NUDT19: variants seen among roughly 807,000 people sequenced by gnomAD.
NUDT19 encodes nudix hydrolase 19.
A neutral mutation model predicts 22.2 loss-of-function variants in NUDT19; 31 were observed. That is an observed-to-expected ratio of 1.40 (90% CI 1.05 to 1.89). NUDT19 has a LOEUF of 1.89. NUDT19 is among the 40% of genes most tolerant of loss of function. NUDT19 has a pLI of 0.00. For synonymous variants in NUDT19, 325 were observed against 230.8 expected, an observed-to-expected ratio of 1.41 and a Z score of -3.70; for missense variants, 752 against 514.2, an observed-to-expected ratio of 1.46 and a Z score of -4.47.
At chr19:32,709,810 C>T (rs765631294) in intron 2 of NUDT19, among the ~76,000 whole-genome samples, 3 of 145,228 alleles carry the variant, frequency 2.1e-5, no homozygotes, top group Non-Finnish European at 4.5e-5. Flanking sequence ...CCACTGTGCC[C>T]GGCTAATCTT....
chr19:32,699,357 C>T (rs35709439), intron 1 of NUDT19, among the ~76,000 whole-genome samples: 20,700 of 152,112 alleles, frequency 0.14, 1,788 homozygotes, highest in East Asian at 0.27. Context: ...CTCGCCTGTG[C>T]GACGTGACTT....
rs374715580 is a variant in NUDT19, at chr19:32,711,854, T to A, written c.1025T>A (p.Ile342Lys). The change falls in exon 3 of 3, where the codon ATA (isoleucine) becomes AAA (lysine). Residue 342 changes from isoleucine to lysine, a missense_variant. Ile to Lys is a moderately radical substitution (Grantham distance 102). Transcript: ENST00000397061. The stretch of plus-strand genomic sequence containing the variant: ...AAGGAAGGCAAGCAGTTTCACCGGA[T>A]AGTGACATACCATCGCCACCTTTAT... Reference protein sequence around the residue: ...IMKEGKQFHRIVTYHRHLYDI... With the variant: ...IMKEGKQFHRKVTYHRHLYDI... The A allele has an allele frequency of 2.5e-6, 4 of 1,613,352 alleles. No individual in the cohort carries two copies. Among genetic ancestry groups the A allele is most frequent in the Non-Finnish European group, 3.4e-6 (4 of 1,179,314 alleles).
chr19:32,692,773 GC>G, intron 1 of NUDT19, 99 bp downstream of exon 1: 1 of 846,576 alleles, frequency 1.2e-6, no homozygotes, highest in Non-Finnish European at 1.7e-6. Flanking sequence ...CATAGGCCAA[GC>G]CCAGAGAGAT....
Position 32,709,269 on chromosome 19 carries a change from C to A in NUDT19, c.799C>A (p.Leu267Ile), listed in dbSNP as rs180822380. The A allele has an allele frequency of 2.5e-6, 4 of 1,614,042 alleles. No individual in the cohort carries two copies. In the East Asian group the frequency reaches 8.9e-5, roughly 36 times the overall value. ...PPPQFYEVRR[L>I]ANFASLSDLH... is the part of the protein sequence containing the mutation. ...CCCACAGTTCTACGAAGTGAGAAGA[C>A]TTGCAAACTTTGCCTCTCTCTCTGA... The change falls in exon 2 of 3, where the codon CTT becomes ATT. Residue 267 changes from leucine to isoleucine, a missense_variant. Transcript: ENST00000397061.
intron 1 of NUDT19, among the ~76,000 whole-genome samples, chr19:32,707,981 A>G (rs1384584306): frequency 6.6e-6 from 1 of 151,356 alleles, no homozygotes; most frequent in Non-Finnish European, 1.5e-5. Context: ...CCGTTTCAAA[A>G]AAAAAAAAAA....
intron 1 of NUDT19, among the ~76,000 whole-genome samples, 178 bp from the exon 2 acceptor site, chr19:32,709,007 A>C (rs1200816493): frequency 2.0e-5 from 3 of 152,162 alleles, no homozygotes; most frequent in Non-Finnish European, 4.4e-5. Flanking sequence ...ACCTCTTAAG[A>C]GGATCAACCC....
chr19:32,698,261 C>G (rs185016952), intron 1 of NUDT19, among the ~76,000 whole-genome samples: 1 of 152,252 alleles, frequency 6.6e-6, no homozygotes, highest in Admixed American at 6.5e-5. Flanking sequence ...TTTTCCCCAT[C>G]AGAGAGAGAA....
In NUDT19 at chr19:32,692,014, CGT is replaced by C; in HGVS notation, c.55_56del (p.Val19ProfsTer90). 8.0e-7 allele frequency: 1 copy of C among 1,250,058 alleles called. No individual in the cohort carries two copies. 77.4% of individuals were successfully genotyped at this position (1,250,058 alleles called of 1,614,324 possible). A position where few individuals can be genotyped will look rare whatever the true frequency, so the allele number is the denominator to read the frequency against. On this transcript the variant is annotated frameshift_variant, in exon 1 of 3. Coordinates refer to ENST00000397061, the MANE Select transcript of NUDT19 (RefSeq NM_001105570.2). LOFTEE classifies it high-confidence loss of function. Reference protein sequence around the residue: ...PSRWRRAASIVLAAGWSRPET... With the variant: ...PSRWRRAASIXLAAGWSRPET... ...GCCGCTGGCGGCGGGCGGCCAGCAT[CGT>C]CCTGGCGGCTGGCTGGTCGCGCCCG...
chr19:32,695,822 A>G (rs538024853), intron 1 of NUDT19, among the ~76,000 whole-genome samples: 1 of 152,372 alleles, frequency 6.6e-6, no homozygotes, highest in African/African-American at 2.4e-5. Context: ...TTAGATAAGC[A>G]TACTTGCTAT....
chr19:32,698,184 T>C (rs1968287734), intron 1 of NUDT19, among the ~76,000 whole-genome samples: 1 of 152,216 alleles, frequency 6.6e-6, no homozygotes, highest in South Asian at 2.1e-4. Context: ...TCCATTTGCC[T>C]TCCCTCTTAC....
intron 1 of NUDT19, among the ~76,000 whole-genome samples, chr19:32,699,746 C>G (rs1968311331): frequency 6.6e-6 from 1 of 152,228 alleles, no homozygotes; most frequent in Non-Finnish European, 1.5e-5. Flanking sequence ...TTGGTTCCTT[C>G]TGGTGGGTTC....
At chr19:32,711,030 C>T (rs1412930132) in intron 2 of NUDT19, among the ~76,000 whole-genome samples, 1 of 152,084 alleles carries the variant, frequency 6.6e-6, no homozygotes, top group Non-Finnish European at 1.5e-5. Context: ...CAAGGCCAAT[C>T]TTAATATCAG....
Position 32,691,844 on chromosome 19 carries a change from C to T in NUDT19, c.-117C>T, listed in dbSNP as rs80137870. On this transcript the variant is annotated 5_prime_UTR_variant, in exon 1 of 3. Transcript: ENST00000397061. ...CCAAACGCCCAGGTTCACCCAACGC[C>T]AGAGGCTCGTCCTCAATTCCCGCGA... The T allele has an allele frequency of 0.17, 86,772 of 518,642 alleles. 7,558 individuals carry two copies. Among genetic ancestry groups the T allele is most frequent in the African/African-American group, 0.22 (10,907 of 49,774 alleles). The allele number at this position is 518,642 out of a possible 1,614,324, so 32.1% of individuals were successfully genotyped here. A position where few individuals can be genotyped will look rare whatever the true frequency, so the allele number is the denominator to read the frequency against.
At chr19:32,702,338 C>T (rs1329725275) in intron 1 of NUDT19, among the ~76,000 whole-genome samples, 1 of 152,172 alleles carries the variant, frequency 6.6e-6, no homozygotes, top group East Asian at 1.9e-4. Flanking sequence ...AGATAAACTC[C>T]CCACATTCCT....
At chr19:32,710,815 C>A (rs562705496) in intron 2 of NUDT19, among the ~76,000 whole-genome samples, 25 of 151,962 alleles carry the variant, frequency 1.6e-4, no homozygotes, top group East Asian at 1.6e-3. Flanking sequence ...ATCACTTGAA[C>A]CCAGGAGGCA....
At chr19:32,706,832 G>C (rs1968392420) in intron 1 of NUDT19, among the ~76,000 whole-genome samples, 1 of 152,170 alleles carries the variant, frequency 6.6e-6, no homozygotes, top group African/African-American at 2.4e-5. Flanking sequence ...AGGGATCTGG[G>C]AAAGTATTCC....
At chr19:32,695,369 G>A (rs1180339801) in intron 1 of NUDT19, among the ~76,000 whole-genome samples, 2 of 152,008 alleles carry the variant, frequency 1.3e-5, no homozygotes, top group Admixed American at 6.6e-5. Flanking sequence ...TAGTAGAGAC[G>A]GGGTTTCACC....
chr19:32,699,483 G>C (rs1307909551), intron 1 of NUDT19, among the ~76,000 whole-genome samples: 1 of 152,184 alleles, frequency 6.6e-6, no homozygotes, highest in Non-Finnish European at 1.5e-5. Context: ...AAAAGCAGAA[G>C]CTGGTTCCAG....
intron 1 of NUDT19, 122 bp downstream of exon 1, chr19:32,692,796 G>T: frequency 1.5e-6 from 1 of 671,404 alleles, no homozygotes; most frequent in South Asian, 2.7e-5. Flanking sequence ...AAGCAGCAAG[G>T]AACGCTTAGA....
Sources: allele counts gnomAD v4.1 joint callset (sites outside exome capture counted in the v4.1 genomes callset), GRCh38; gene constraint gnomAD v4.1.1; transcripts MANE v1.5; gene names NCBI Gene and HGNC (gene_info 2026-07-23, HGNC 2026-07-21).